TMEM132D: variants seen among roughly 807,000 people sequenced by gnomAD.
TMEM132D encodes transmembrane protein 132D.
Under a neutral mutation model 62.3 loss-of-function variants are expected in TMEM132D, and 21 were observed. The observed-to-expected ratio is 0.34, with a 90% CI of 0.24 to 0.49. TMEM132D has a LOEUF of 0.49. TMEM132D is among the 20% of genes least tolerant of loss of function. The probability of loss-of-function intolerance (pLI) is 0.99; values close to 1 mark genes in which losing one functional copy is unlikely to be tolerated. For missense variants in TMEM132D, 1,346 were observed against 1,402.8 expected (o/e 0.96, Z 0.65); for synonymous variants, 621 against 575.6 (o/e 1.08, Z -1.13).
chr12:129,116,482 T>C (rs901494638), intron 5 of TMEM132D, among the ~76,000 whole-genome samples: 1 of 151,104 alleles, frequency 6.6e-6, no homozygotes, highest in African/African-American at 2.4e-5. Context: ...AAACAATAGT[T>C]GCAAACACAT....
In TMEM132D at chr12:129,429,166, TCAAG is replaced by T. The variant is rs1291181771; in HGVS notation, c.1116-91353_1116-91350del. On this transcript the variant is annotated intron_variant, in intron 3 of 8. Transcript: ENST00000422113. Reference sequence around the variant, plus strand: ...GTTACTCACTGTAGTCCAAAGTCCTTCAAGTTCCTCACTGTAGTCCAAAGTCCTT... The same window carrying T: ...GTTACTCACTGTAGTCCAAAGTCCTTTTCCTCACTGTAGTCCAAAGTCCTT... Among the ~76,000 whole-genome samples the T allele has an allele frequency of 1.3e-4, 19 of 149,730 alleles. 1 individual carries two copies. Among genetic ancestry groups the T allele is most frequent in the Non-Finnish European group, 2.5e-4 (17 of 67,604 alleles).
At chr12:129,345,848 A>T (rs1869666237) in intron 3 of TMEM132D, among the ~76,000 whole-genome samples, 2 of 152,240 alleles carry the variant, frequency 1.3e-5, no homozygotes, top group Non-Finnish European at 1.5e-5. Context: ...CCAGTATTTT[A>T]TTGAGGATTT....
intron 1 of TMEM132D, among the ~76,000 whole-genome samples, chr12:129,795,444 A>T (rs1004212786): frequency 4.6e-5 from 7 of 152,252 alleles, no homozygotes; most frequent in African/African-American, 1.7e-4. Flanking sequence ...TATTTAAAAA[A>T]TTTAATGTTG....
At chr12:129,630,164 T>C (rs1216936566) in intron 2 of TMEM132D, among the ~76,000 whole-genome samples, 1 of 152,176 alleles carries the variant, frequency 6.6e-6, no homozygotes, top group African/African-American at 2.4e-5. Context: ...TATTCTCTTG[T>C]CAGAAAAACA....
chr12:129,466,279 C>A (rs1593023212), intron 3 of TMEM132D, among the ~76,000 whole-genome samples: 1 of 100,398 alleles, frequency 1.0e-5, no homozygotes, highest in Admixed American at 1.2e-4. Context: ...TAGATTTTTC[C>A]TTTTTTTTTT....
chr12:129,464,465 C>A (rs1191984690), intron 3 of TMEM132D, among the ~76,000 whole-genome samples: 2 of 152,146 alleles, frequency 1.3e-5, no homozygotes, highest in Non-Finnish European at 2.9e-5. Context: ...TGCAGAAGCT[C>A]TTGAGTTTTA....
At chr12:129,140,117 C>T (rs1876695903) in intron 5 of TMEM132D, among the ~76,000 whole-genome samples, 1 of 151,770 alleles carries the variant, frequency 6.6e-6, no homozygotes, top group African/African-American at 2.4e-5. Context: ...TATGCATATA[C>T]TTTGATGCAT....
chr12:129,894,364 C>T (rs1343784775), intron 1 of TMEM132D, among the ~76,000 whole-genome samples: 1 of 152,146 alleles, frequency 6.6e-6, no homozygotes, highest in Admixed American at 6.5e-5. Flanking sequence ...GGGATTATTA[C>T]AATTCAAGGT....
intron 2 of TMEM132D, among the ~76,000 whole-genome samples, chr12:129,599,390 CA>C (rs1878429526): frequency 6.6e-6 from 1 of 152,252 alleles, no homozygotes; most frequent in African/African-American, 2.4e-5. Flanking sequence ...AGGCATTACA[CA>C]CCAGCCACTA....
rs1874196665 is a variant in TMEM132D at position 129,074,761 on chromosome 12, T to C, written c.2414A>G (p.Asn805Ser). The C allele has an allele frequency of 3.1e-6, 5 of 1,614,174 alleles. No homozygotes were observed. The highest frequency in any genetic ancestry group is 3.4e-6 in the Non-Finnish European group (4 of 1,180,030). The change falls in exon 9 of 9, where the codon AAC becomes AGC. Residue 805 changes from asparagine to serine, a missense_variant. Transcript: ENST00000422113. The stretch of plus-strand genomic sequence containing the variant: ...CCCTGTGTGTCTGCTGTCACTGGTG[T>C]TGGGGTTAGCATCGTTTTGGCCAAA... ...VKFGQNDANPNTSDSRHTGAG... is the reference protein window; with the variant it reads ...VKFGQNDANPSTSDSRHTGAG...
intron 5 of TMEM132D, among the ~76,000 whole-genome samples, chr12:129,138,340 C>A (rs1876646285): frequency 6.6e-6 from 1 of 152,172 alleles, no homozygotes; most frequent in African/African-American, 2.4e-5. Flanking sequence ...AGATATGACC[C>A]AAGGACCTTC....
chr12:129,438,067 C>T (rs1340995410), intron 3 of TMEM132D, among the ~76,000 whole-genome samples: 3 of 152,116 alleles, frequency 2.0e-5, no homozygotes, highest in Non-Finnish European at 2.9e-5. Context: ...AGGACATGAA[C>T]TTATCCTTTT....
chr12:129,854,041 T>C (rs1262271119), intron 1 of TMEM132D, among the ~76,000 whole-genome samples: 1 of 152,112 alleles, frequency 6.6e-6, no homozygotes, highest in Non-Finnish European at 1.5e-5. Flanking sequence ...GTTTCCTCTT[T>C]GGTAACTCGA....
intron 2 of TMEM132D, among the ~76,000 whole-genome samples, chr12:129,535,213 G>C (rs571252045): frequency 6.6e-6 from 1 of 152,342 alleles, no homozygotes; most frequent in Admixed American, 6.5e-5. Context: ...CAGTAGACCA[G>C]AACAAGGGAT....
intron 3 of TMEM132D, among the ~76,000 whole-genome samples, chr12:129,524,523 T>A (rs1226098050): frequency 6.6e-6 from 1 of 152,132 alleles, no homozygotes; most frequent in Non-Finnish European, 1.5e-5. Context: ...TAAAATTAAT[T>A]CACATCTTGA....
intron 5 of TMEM132D, among the ~76,000 whole-genome samples, chr12:129,104,193 G>A (rs977439912): frequency 1.3e-4 from 19 of 150,998 alleles, no homozygotes; most frequent in Non-Finnish European, 1.9e-4. Context: ...CCAAAACAGA[G>A]ATATAGACCA....
intron 2 of TMEM132D, among the ~76,000 whole-genome samples, chr12:129,564,055 G>A (rs752704787): frequency 3.9e-5 from 6 of 151,976 alleles, no homozygotes; most frequent in African/African-American, 1.2e-4. Flanking sequence ...TAACTAAGAC[G>A]TTTCAGGGTA....
chr12:129,688,168 AT>A (rs1271319007), intron 2 of TMEM132D, among the ~76,000 whole-genome samples: 1 of 152,178 alleles, frequency 6.6e-6, no homozygotes. Flanking sequence ...GGCTGTGCAT[AT>A]GGTTATATGG....
At chr12:129,421,378 A>G (rs1292028585) in intron 3 of TMEM132D, among the ~76,000 whole-genome samples, 1 of 152,236 alleles carries the variant, frequency 6.6e-6, no homozygotes, top group East Asian at 1.9e-4. Flanking sequence ...CAGCTACACT[A>G]ATCCAGTGGT....
Sources: gnomAD v4.1 joint callset for allele counts (sites outside exome capture counted in the v4.1 genomes callset) on GRCh38, gnomAD v4.1.1 for gene constraint, MANE v1.5 for transcripts, NCBI Gene and HGNC (gene_info 2026-07-23, HGNC 2026-07-21) for gene names.